AGO2: variants seen among roughly 807,000 people sequenced by gnomAD.
AGO2 encodes argonaute RISC catalytic component 2, also known as protein argonaute-2.
Under a neutral mutation model 102.3 loss-of-function variants are expected in AGO2, and 5 were observed. The observed-to-expected ratio is 0.05, with a 90% confidence interval of 0.03 to 0.10. The LOEUF (loss-of-function observed/expected upper bound fraction) is 0.10, where lower values mean the gene tolerates loss of function less well. Ranked by LOEUF, AGO2 falls within the 10% of genes least tolerant of loss-of-function variation. The pLI, the probability that AGO2 is intolerant of heterozygous loss-of-function variation, is 1.00. For missense variants in AGO2, 541 were observed against 1,183.7 expected (o/e 0.46, Z 7.97); for synonymous variants, 449 against 473.1 (o/e 0.95, Z 0.66).
chr8:140,593,564 A>C lies in AGO2; in HGVS notation c.23-8253T>G, dbSNP rs894335290. Among the ~76,000 whole-genome samples the C allele has an allele frequency of 5.9e-5, 9 of 152,120 alleles. No individual in the cohort carries two copies. The South Asian group carries it at 6.2e-4, about 11-fold the overall frequency. ...GCTAGGAAAGTTAAAAAAAAAAAAA[A>C]AAAAAAACTTTGTGCCCTTTTACAG... On this transcript the variant is annotated intron_variant, in intron 1 of 18. Transcript: ENST00000220592.
rs183055505 is a variant in AGO2 at position 140,527,118 on chromosome 8, C to A, written c.*4926G>T. ...AAGCGACGAGGAATCAAACAGACCACAACAGTGTTCACAAGACTGCAACGA... is the reference window on the plus strand; with the variant it reads ...AAGCGACGAGGAATCAAACAGACCAAAACAGTGTTCACAAGACTGCAACGA... On this transcript the variant is annotated 3_prime_UTR_variant, in exon 19 of 19. Coordinates refer to ENST00000220592, the MANE Select transcript of AGO2 (RefSeq NM_012154.5). The surrounding 1 kb of genome is among the most constrained non-coding windows in gnomAD (Gnocchi z 6.0). 2.0e-5 allele frequency: 3 copies of A among 152,264 alleles called. No homozygotes were observed. Among genetic ancestry groups the A allele is most frequent in the Non-Finnish European group, 2.9e-5 (2 of 68,074 alleles). 9.4% of individuals were successfully genotyped at this position (152,264 alleles called of 1,614,324 possible).
At chr8:140,566,318 CTG>C (rs1430305607) in intron 3 of AGO2, among the ~76,000 whole-genome samples, 4 of 152,232 alleles carry the variant, frequency 2.6e-5, no homozygotes, top group African/African-American at 9.7e-5. Flanking sequence ...TCCACCATGA[CTG>C]TGATGCTTCC....
At chr8:140,570,376 C>G (rs778109423) in intron 3 of AGO2, among the ~76,000 whole-genome samples, 4 of 150,672 alleles carry the variant, frequency 2.7e-5, no homozygotes, top group African/African-American at 7.3e-5. Flanking sequence ...TAGGCGTGTG[C>G]CCCTATGCTT....
chr8:140,541,509 CT>C, intron 14 of AGO2, 151 bp from the exon 15 acceptor site: 1 of 709,380 alleles, frequency 1.4e-6, no homozygotes, highest in Non-Finnish European at 2.2e-6. Context: ...TGGGTGTGAA[CT>C]CAGCCTTTAG....
intron 16 of AGO2, among the ~76,000 whole-genome samples, chr8:140,537,350 G>A (rs1263306911): frequency 1.3e-5 from 2 of 150,970 alleles, no homozygotes; most frequent in Admixed American, 1.3e-4. Context: ...AAGACAGGTC[G>A]GAGTGCAGTG....
At chr8:140,615,140 C>T (rs370177718) in intron 1 of AGO2, among the ~76,000 whole-genome samples, 2 of 152,168 alleles carry the variant, frequency 1.3e-5, no homozygotes, top group Non-Finnish European at 2.9e-5. Flanking sequence ...AATCCCGGCA[C>T]TTTGGGAGGC....
At chr8:140,542,517 T>C (rs1424079049) in intron 14 of AGO2, among the ~76,000 whole-genome samples, 1 of 151,642 alleles carries the variant, frequency 6.6e-6, no homozygotes, top group Non-Finnish European at 1.5e-5. Flanking sequence ...TTCCTATTGA[T>C]TGAGAATTGT....
In AGO2 at chr8:140,534,260, A is replaced by G. The variant is rs568085103; in HGVS notation, c.2271+1208T>C. ...AGCCTTGGGCCATAAATAGCTCACC[A>G]GAGAAGCATCCCCCGTTAGAAAGAT... On this transcript the variant is annotated intron_variant, in intron 17 of 18. Coordinates refer to ENST00000220592, the MANE Select transcript of AGO2 (RefSeq NM_012154.5). Among the ~76,000 whole-genome samples, 4 of 152,364 alleles carry G rather than the reference A, an allele frequency of 2.6e-5. No individual in the cohort carries two copies. The South Asian group carries it at 8.3e-4, about 32-fold the overall frequency.
At chr8:140,551,767 T>C (rs530289621) in intron 10 of AGO2, among the ~76,000 whole-genome samples, 1 of 131,888 alleles carries the variant, frequency 7.6e-6, no homozygotes, top group African/African-American at 3.0e-5. Context: ...CCGTTGATGA[T>C]CGGTGGATAA....
intron 1 of AGO2, among the ~76,000 whole-genome samples, chr8:140,596,675 C>T (rs748438722): frequency 1.3e-5 from 2 of 152,220 alleles, no homozygotes; most frequent in Admixed American, 1.3e-4. Flanking sequence ...TTAAAAAGTA[C>T]CCAATGCAAG....
intron 10 of AGO2, chr8:140,555,691 G>T: frequency 1.5e-6 from 1 of 688,832 alleles, no homozygotes; most frequent in Non-Finnish European, 2.3e-6. Context: ...AAAACATTAA[G>T]GATAATTCTG....
At chr8:140,558,930 T>C (rs1183305125) in intron 6 of AGO2, among the ~76,000 whole-genome samples, 1 of 152,028 alleles carries the variant, frequency 6.6e-6, no homozygotes. Flanking sequence ...GAGCCAGGGG[T>C]GGGCCCCCCA....
chr8:140,623,373 A>G (rs1245323085), intron 1 of AGO2, among the ~76,000 whole-genome samples: 1 of 152,150 alleles, frequency 6.6e-6, no homozygotes, highest in Non-Finnish European at 1.5e-5. Context: ...TGGCTGCACC[A>G]CACTGTGAAT....
At chr8:140,562,818 C>A (rs747367069) in intron 3 of AGO2, among the ~76,000 whole-genome samples, 184 bp from the exon 4 acceptor site, 51 of 152,228 alleles carry the variant, frequency 3.4e-4, no homozygotes, top group Non-Finnish European at 6.5e-4. Context: ...GAATTTTAAA[C>A]TTTATTCACT....
intron 2 of AGO2, among the ~76,000 whole-genome samples, chr8:140,573,367 C>T (rs973688917): frequency 2.0e-5 from 3 of 151,258 alleles, no homozygotes; most frequent in African/African-American, 7.3e-5. Context: ...TTAGTAGATA[C>T]AAGGTTTCAT....
chr8:140,601,137 T>A (rs1392206936), intron 1 of AGO2, among the ~76,000 whole-genome samples: 5 of 152,168 alleles, frequency 3.3e-5, no homozygotes, highest in Admixed American at 3.3e-4. Context: ...TGGCATCTCA[T>A]CTGCACCTGG....
At chr8:140,598,055 T>C (rs1054729711) in intron 1 of AGO2, among the ~76,000 whole-genome samples, 1 of 152,116 alleles carries the variant, frequency 6.6e-6, no homozygotes, top group Non-Finnish European at 1.5e-5. Context: ...GAGCTTACTA[T>C]TGTACAAGAT....
intron 1 of AGO2, among the ~76,000 whole-genome samples, chr8:140,611,490 G>A (rs948200219): frequency 6.6e-5 from 10 of 152,020 alleles, no homozygotes; most frequent in African/African-American, 2.4e-4. Flanking sequence ...ACCACACCGG[G>A]CTAATTTTTG....
chr8:140,640,143 G>C (rs1458807374), upstream of AGO2, among the ~76,000 whole-genome samples: 1 of 152,072 alleles, frequency 6.6e-6, no homozygotes, highest in Non-Finnish European at 1.5e-5. Flanking sequence ...CCAGCAGCTG[G>C]GATTACAGGC....
Sources: gnomAD v4.1 joint callset for allele counts (sites outside exome capture counted in the v4.1 genomes callset) on GRCh38, gnomAD v4.1.1 for gene constraint, Gnocchi (gnomAD v3.1) non-coding constraint, MANE v1.5 for transcripts, NCBI Gene and HGNC (gene_info 2026-07-23, HGNC 2026-07-21) for gene names.